Variants in FDX1 observed in about 807,000 individuals in gnomAD.
The protein encoded by FDX1 is ferredoxin 1.
A neutral mutation model predicts 14.9 loss-of-function variants in FDX1; 9 were observed. That is an observed-to-expected ratio of 0.60 (90% CI 0.36 to 1.05). The LOEUF (loss-of-function observed/expected upper bound fraction) is 1.05, where lower values mean the gene tolerates loss of function less well. Ranked by LOEUF, FDX1 falls within the 50% of genes least tolerant of loss-of-function variation. The pLI is 0.01. For missense variants in FDX1, 204 were observed against 237.2 expected (o/e 0.86, Z 0.92); for synonymous variants, 92 against 99.4 (o/e 0.93, Z 0.44).
At chr11:110,449,341 G>C (rs749643122) in intron 2 of FDX1, among the ~76,000 whole-genome samples, 2 of 152,218 alleles carry the variant, frequency 1.3e-5, no homozygotes, top group Non-Finnish European at 2.9e-5. Context: ...CAGTGTTGCT[G>C]TAAGGTGTTC....
chr11:110,461,558 A>C (rs1441765055), intron 3 of FDX1, among the ~76,000 whole-genome samples: 1 of 83,358 alleles, frequency 1.2e-5, no homozygotes, highest in East Asian at 5.0e-4. Flanking sequence ...GTAATTCTGC[A>C]AAAAAAAAAG....
chr11:110,452,895 A>AGAACAGATC (rs570488286), intron 2 of FDX1, among the ~76,000 whole-genome samples: 3 of 152,264 alleles, frequency 2.0e-5, no homozygotes, highest in Non-Finnish European at 4.4e-5. Flanking sequence ...ACAGTGATAG[A>AGAACAGATC]GAACAGATCA....
At chr11:110,437,658 A>G (rs1946378972) in intron 2 of FDX1, among the ~76,000 whole-genome samples, 1 of 152,060 alleles carries the variant, frequency 6.6e-6, no homozygotes, top group Non-Finnish European at 1.5e-5. Flanking sequence ...TCCAACTTTT[A>G]TTTAGATTCA....
chr11:110,432,697 G>A (rs775496327), intron 1 of FDX1, among the ~76,000 whole-genome samples: 27 of 152,144 alleles, frequency 1.8e-4, no homozygotes, highest in Non-Finnish European at 3.5e-4. Context: ...TGGAACCCCT[G>A]GCCTCAAGTA....
At chr11:110,449,843 G>C (rs1946474946) in intron 2 of FDX1, among the ~76,000 whole-genome samples, 1 of 152,156 alleles carries the variant, frequency 6.6e-6, no homozygotes, top group African/African-American at 2.4e-5. Context: ...GGCCAGGCTG[G>C]TCTCGAATAC....
intron 2 of FDX1, among the ~76,000 whole-genome samples, chr11:110,437,430 C>T (rs1350939584): frequency 6.6e-6 from 1 of 152,134 alleles, no homozygotes; most frequent in African/African-American, 2.4e-5. Context: ...GTTGAAGAAA[C>T]TTGAGTCTCA....
chr11:110,450,555 A>G (rs747054917), intron 2 of FDX1, among the ~76,000 whole-genome samples: 3 of 152,128 alleles, frequency 2.0e-5, no homozygotes, highest in Non-Finnish European at 2.9e-5. Context: ...GACATGATGT[A>G]TTTTTGGTTA....
At chr11:110,445,573 C>T (rs1044858429) in intron 2 of FDX1, among the ~76,000 whole-genome samples, 1 of 152,112 alleles carries the variant, frequency 6.6e-6, no homozygotes, top group African/African-American at 2.4e-5. Context: ...TATATATGTA[C>T]TGGGTCATGA....
intron 2 of FDX1, among the ~76,000 whole-genome samples, chr11:110,456,369 G>T (rs1946521606): frequency 6.6e-6 from 1 of 152,068 alleles, no homozygotes; most frequent in African/African-American, 2.4e-5. Context: ...TTCCTTCACA[G>T]CACCAAGCCA....
At position 110,430,084 on chromosome 11, in the gene FDX1, G is replaced by A; in HGVS notation, c.-37G>A. The A allele has an allele frequency of 8.3e-7, 1 of 1,210,806 alleles. No individual in the cohort carries two copies. The allele number at this position is 1,210,806 out of a possible 1,614,324, so 75.0% of individuals were successfully genotyped here. A position where few individuals can be genotyped will look rare whatever the true frequency, so the allele number is the denominator to read the frequency against. ...GGAGTCTCTCGCGGCCTCAAAGCGC[G>A]GCCTGCGTCGCTTCCGGCAGTTCCC... On this transcript the variant is annotated 5_prime_UTR_variant, in exon 1 of 4. Coordinates refer to ENST00000260270, the MANE Select transcript of FDX1 (RefSeq NM_004109.5).
chr11:110,444,647 TGTGTATATATATATATAC>T (rs1396761343), intron 2 of FDX1, among the ~76,000 whole-genome samples: 1,685 of 90,154 alleles, frequency 0.019, 134 homozygotes, highest in African/African-American at 0.075. Flanking sequence ...TGTGTGTGTG[TGTGTATATATATATATAC>T]GTATATATAT....
At chr11:110,443,347 G>T (rs2724442) in intron 2 of FDX1, among the ~76,000 whole-genome samples, 151,214 of 151,216 alleles carry the variant, frequency 1, 75,606 homozygotes, top group Middle Eastern at 1. Flanking sequence ...TAGCATCTTT[G>T]GTATAAAAAA....
chr11:110,463,706 G>A lies in FDX1; in HGVS notation c.*1238G>A, dbSNP rs908283903. 2 of 152,122 alleles carry A rather than the reference G, an allele frequency of 1.3e-5. No homozygotes were observed. Among genetic ancestry groups the A allele is most frequent in the Non-Finnish European group, 2.9e-5 (2 of 68,038 alleles). The allele number at this position is 152,122 out of a possible 1,614,324, so 9.4% of individuals were successfully genotyped here. A position where few individuals can be genotyped will look rare whatever the true frequency, so the allele number is the denominator to read the frequency against. ...TGTTATGCCCATTGGGGACACAGAG[G>A]TGAACAAGACAAGGAATGCCATCAG... On this transcript the variant is annotated 3_prime_UTR_variant, in exon 4 of 4. Transcript: ENST00000260270.
At chr11:110,443,351 T>TA in intron 2 of FDX1, among the ~76,000 whole-genome samples, 1 of 151,062 alleles carries the variant, frequency 6.6e-6, no homozygotes, top group South Asian at 2.1e-4. Flanking sequence ...ATCTTTGGTA[T>TA]AAAAAAAGAT....
At chr11:110,434,336 T>TTGC (rs1156619222) in intron 1 of FDX1, among the ~76,000 whole-genome samples, 1 of 136,440 alleles carries the variant, frequency 7.3e-6, no homozygotes, top group African/African-American at 2.9e-5. Flanking sequence ...CCCTATTGAT[T>TTGC]TTTTTTTTTT....
intron 3 of FDX1, among the ~76,000 whole-genome samples, chr11:110,460,032 A>G (rs1179214275): frequency 6.6e-6 from 1 of 152,314 alleles, no homozygotes; most frequent in East Asian, 1.9e-4. Context: ...GACCAGCATC[A>G]TCTTGCTATC....
At chr11:110,439,259 G>A (rs1157803695) in intron 2 of FDX1, among the ~76,000 whole-genome samples, 1 of 151,952 alleles carries the variant, frequency 6.6e-6, no homozygotes, top group Non-Finnish European at 1.5e-5. Context: ...CCAGGTTGGA[G>A]TGCAGTGCTA....
intron 2 of FDX1, among the ~76,000 whole-genome samples, chr11:110,447,256 C>T (rs1202658966): frequency 3.7e-5 from 5 of 136,384 alleles, no homozygotes; most frequent in Non-Finnish European, 6.2e-5. Flanking sequence ...AATGAAACCC[C>T]GTCTCTACTA....
chr11:110,457,188 T>C (rs1946527921), intron 3 of FDX1, 141 bp downstream of exon 3: 1 of 698,566 alleles, frequency 1.4e-6, no homozygotes, highest in East Asian at 2.9e-5. Context: ...GAGTATCAGA[T>C]ATGTGGCATT....
Sources: allele counts gnomAD v4.1 joint callset (sites outside exome capture counted in the v4.1 genomes callset), GRCh38; gene constraint gnomAD v4.1.1; transcripts MANE v1.5; gene names NCBI Gene and HGNC (gene_info 2026-07-23, HGNC 2026-07-21).